Variants in HYCC1 observed in about 807,000 individuals in gnomAD.
HYCC1 encodes the protein hyccin PI4KA lipid kinase complex subunit 1.
At chr7:22,941,617 T>C in the HYCC1 span, 2 of 152,156 alleles carry the variant, frequency 1.3e-5, no homozygotes, top group Non-Finnish European at 2.9e-5. Context: ...AAGACAAATG[T>C]ACTCTAAAAC....
the HYCC1 span, among the ~76,000 whole-genome samples, chr7:23,003,866 T>C: frequency 3.9e-5 from 6 of 152,186 alleles, no homozygotes; most frequent in Non-Finnish European, 8.8e-5. Context: ...TGTGTGCTAA[T>C]AGGGCCATAA....
At chr7:22,980,445 T>C in the HYCC1 span, among the ~76,000 whole-genome samples, 6 of 152,070 alleles carry the variant, frequency 3.9e-5, no homozygotes, top group Non-Finnish European at 8.8e-5. Flanking sequence ...TTTTGAGTTC[T>C]GAAACAACTA....
the HYCC1 span, among the ~76,000 whole-genome samples, chr7:22,969,010 C>T: frequency 6.6e-6 from 1 of 151,648 alleles, no homozygotes; most frequent in Non-Finnish European, 1.5e-5. Context: ...AAAAAGTGGA[C>T]AATGTAAGCC....
the HYCC1 span, among the ~76,000 whole-genome samples, chr7:22,908,397 G>T: frequency 2.6e-5 from 4 of 152,174 alleles, no homozygotes; most frequent in African/African-American, 9.7e-5. Context: ...TAATGTTCCA[G>T]CACACAGACA....
chr7:22,946,804 G>A, the HYCC1 span: 6 of 606,114 alleles, frequency 9.9e-6, no homozygotes, highest in East Asian at 3.0e-5. Flanking sequence ...ACTCAAAGAC[G>A]ATAAAGGTAT....
the HYCC1 span, among the ~76,000 whole-genome samples, chr7:22,921,101 C>G: frequency 6.6e-6 from 1 of 152,172 alleles, no homozygotes; most frequent in Non-Finnish European, 1.5e-5. Context: ...AACCTCTTGT[C>G]TTTAAAATTA....
At chr7:22,962,077 G>A in the HYCC1 span, among the ~76,000 whole-genome samples, 1 of 126,810 alleles carries the variant, frequency 7.9e-6, no homozygotes, top group East Asian at 2.6e-4. Context: ...ATAAAGCCAG[G>A]TAATCTACAA....
At chr7:22,953,013 A>T in the HYCC1 span, among the ~76,000 whole-genome samples, 1 of 152,000 alleles carries the variant, frequency 6.6e-6, no homozygotes, top group African/African-American at 2.4e-5. Flanking sequence ...AGTTTCCATA[A>T]GAGATAAACA....
At chr7:22,952,860 A>G in the HYCC1 span, among the ~76,000 whole-genome samples, 3 of 151,926 alleles carry the variant, frequency 2.0e-5, no homozygotes, top group African/African-American at 7.2e-5. Flanking sequence ...GAGCAAGGGC[A>G]AAAACAAAGA....
At chr7:22,998,135 C>T in the HYCC1 span, among the ~76,000 whole-genome samples, 1 of 152,154 alleles carries the variant, frequency 6.6e-6, no homozygotes. Context: ...AACATTTTTT[C>T]CAGGGAAAGG....
the HYCC1 span, chr7:22,940,874 A>G: frequency 2.0e-5 from 3 of 151,594 alleles, no homozygotes; most frequent in African/African-American, 7.3e-5. Flanking sequence ...GCTGGTCTCA[A>G]ATTCCTGGGC....
the HYCC1 span, chr7:22,976,146 G>A: frequency 1.0e-5 from 10 of 996,698 alleles, no homozygotes; most frequent in Non-Finnish European, 1.6e-5. Context: ...ACTTAGGTAT[G>A]TACCAGACTA....
At chr7:22,979,977 T>A in the HYCC1 span, among the ~76,000 whole-genome samples, 2 of 152,242 alleles carry the variant, frequency 1.3e-5, no homozygotes, top group Admixed American at 1.3e-4. Flanking sequence ...CATAAACCCA[T>A]TAAATTCCCA....
chr7:22,992,769 C>T, the HYCC1 span, among the ~76,000 whole-genome samples: 1 of 151,976 alleles, frequency 6.6e-6, no homozygotes, highest in Non-Finnish European at 1.5e-5. Context: ...AGAAAGTTAT[C>T]ACAAATGGAA....
chr7:22,908,765 T>C, the HYCC1 span, among the ~76,000 whole-genome samples: 204 of 152,346 alleles, frequency 1.3e-3, no homozygotes, highest in African/African-American at 4.6e-3. Flanking sequence ...ATGTCTTGAC[T>C]GATAAGAATG....
At chr7:22,971,132 C>T in the HYCC1 span, among the ~76,000 whole-genome samples, 20 of 151,612 alleles carry the variant, frequency 1.3e-4, no homozygotes, top group Non-Finnish European at 2.7e-4. Context: ...TAAAAATAAA[C>T]TTTTGGGATT....
At chr7:22,946,090 A>G in the HYCC1 span, 1 of 1,613,536 alleles carries the variant, frequency 6.2e-7, no homozygotes, top group East Asian at 2.2e-5. Context: ...TACTAGACGC[A>G]GCCCTGGAAT....
chr7:23,009,895 C>T, the HYCC1 span, among the ~76,000 whole-genome samples: 6 of 152,092 alleles, frequency 3.9e-5, no homozygotes, highest in Non-Finnish European at 8.8e-5. Flanking sequence ...TTCCTTAGTG[C>T]AGATATGCAG....
the HYCC1 span, chr7:22,947,251 G>T: frequency 6.5e-7 from 1 of 1,548,164 alleles, no homozygotes; most frequent in South Asian, 1.2e-5. Context: ...GGTTGCTCTA[G>T]AATTGAAGAT....
Sources: gnomAD v4.1 joint callset for allele counts (sites outside exome capture counted in the v4.1 genomes callset) on GRCh38, gnomAD v4.1.1 for gene constraint, MANE v1.5 for transcripts, NCBI Gene and HGNC (gene_info 2026-07-23, HGNC 2026-07-21) for gene names.